The following PCDH15 variants were observed in gnomAD, a reference collection of about 807,000 sequenced individuals.
PCDH15 encodes the protein protocadherin related 15, also known as protocadherin-15.
Under a neutral mutation model 178.5 loss-of-function variants are expected in PCDH15, and 129 were observed. The ratio of observed to expected loss-of-function variants is 0.72; its 90% CI spans 0.63 to 0.84. The LOEUF (loss-of-function observed/expected upper bound fraction) is 0.84. PCDH15 is among the 40% of genes least tolerant of loss of function. The pLI, the probability that PCDH15 is intolerant of heterozygous loss-of-function variation, is 0.00. For missense variants in PCDH15, 2,230 were observed against 2,099.9 expected (o/e 1.06, Z -1.21); for synonymous variants, 800 against 732.0 (o/e 1.09, Z -1.50).
At chr10:54,529,637 T>C (rs567603445) in intron 2 of PCDH15, among the ~76,000 whole-genome samples, 30 of 152,198 alleles carry the variant, frequency 2.0e-4, no homozygotes, top group Admixed American at 1.6e-3. Context: ...TTTAGCAAAA[T>C]TTTGTTATCT....
intron 1 of PCDH15, among the ~76,000 whole-genome samples, chr10:55,314,248 T>C (rs2132292066): frequency 6.7e-6 from 1 of 149,910 alleles, no homozygotes; most frequent in East Asian, 1.9e-4. Context: ...GTGTTCGTCA[T>C]TACCCTGGGG....
chr10:54,298,164 G>A (rs11004207), intron 8 of PCDH15, among the ~76,000 whole-genome samples: 10 of 151,936 alleles, frequency 6.6e-5, no homozygotes, highest in African/African-American at 9.7e-5. Context: ...TGCCTTCCTC[G>A]AGCAGCTATG....
In PCDH15 at chr10:54,661,195, G is replaced by C. The variant is rs73253054; in HGVS notation, c.91+2977C>G. Among the ~76,000 whole-genome samples the C allele has an allele frequency of 5.3e-3, 801 of 152,106 alleles. 15 individuals carry two copies. Among genetic ancestry groups the C allele is most frequent in the African/African-American group, 0.019 (776 of 41,522 alleles). On this transcript the variant is annotated intron_variant, in intron 2 of 37. Coordinates refer to ENST00000644397, the MANE Select transcript of PCDH15 (RefSeq NM_001384140.1). ...TTTACCTGATAAACTACTTCAGTAAGATTTCAGGATACAAAATAAATGCTT... is the reference window on the plus strand; with the variant it reads ...TTTACCTGATAAACTACTTCAGTAACATTTCAGGATACAAAATAAATGCTT...
intron 2 of PCDH15, among the ~76,000 whole-genome samples, chr10:55,441,309 C>T (rs1458895943): frequency 6.6e-6 from 1 of 152,124 alleles, no homozygotes; most frequent in East Asian, 1.9e-4. Context: ...TGTCTTTGTT[C>T]TTTGGACATA....
chr10:54,145,157 CTT>C (rs1020687597), intron 14 of PCDH15, among the ~76,000 whole-genome samples: 3 of 151,934 alleles, frequency 2.0e-5, no homozygotes, highest in African/African-American at 4.8e-5. Flanking sequence ...GGAAAATAGA[CTT>C]AAGATACTTT....
At chr10:55,085,066 T>A (rs555837223) in intron 2 of PCDH15, among the ~76,000 whole-genome samples, 72 of 152,060 alleles carry the variant, frequency 4.7e-4, no homozygotes, top group African/African-American at 1.4e-3. Flanking sequence ...CCAGATATCC[T>A]ACTGCTAGGC....
At chr10:55,089,554 T>C (rs1303442241) in intron 2 of PCDH15, among the ~76,000 whole-genome samples, 1 of 152,102 alleles carries the variant, frequency 6.6e-6, no homozygotes, top group Non-Finnish European at 1.5e-5. Flanking sequence ...TTCCCCATGA[T>C]TGAGATTTTT....
intron 2 of PCDH15, among the ~76,000 whole-genome samples, chr10:55,594,128 G>A (rs1842897324): frequency 6.6e-6 from 1 of 151,854 alleles, no homozygotes; most frequent in South Asian, 2.1e-4. Flanking sequence ...CACAATATAA[G>A]TACAAATAAT....
chr10:54,739,673 G>A (rs562534334), intron 1 of PCDH15, among the ~76,000 whole-genome samples: 70 of 151,488 alleles, frequency 4.6e-4, no homozygotes, highest in Non-Finnish European at 8.0e-4. Context: ...GCATGATGCC[G>A]TCATAGAAAT....
chr10:54,502,484 A>G (rs2137473131), intron 3 of PCDH15, among the ~76,000 whole-genome samples: 1 of 152,170 alleles, frequency 6.6e-6, no homozygotes, highest in South Asian at 2.1e-4. Context: ...GAACTTACTT[A>G]CGCATCTTTT....
At chr10:53,928,926 T>C (rs969927001) in intron 25 of PCDH15, among the ~76,000 whole-genome samples, 4 of 152,088 alleles carry the variant, frequency 2.6e-5, no homozygotes, top group Non-Finnish European at 5.9e-5. Context: ...GAAAACTGTA[T>C]CTTCTCTCTT....
chr10:54,979,989 T>C (rs1488170191), intron 2 of PCDH15, among the ~76,000 whole-genome samples: 2 of 152,290 alleles, frequency 1.3e-5, no homozygotes, highest in East Asian at 1.9e-4. Context: ...CAATATTTTG[T>C]AGTATATTTA....
chr10:55,627,780 G>A (rs1837563247), intron 1 of PCDH15: 1 of 152,230 alleles, frequency 6.6e-6, no homozygotes, highest in Admixed American at 6.5e-5. Flanking sequence ...AAAAAAAAGG[G>A]TCAGAGACAC....
intron 3 of PCDH15, among the ~76,000 whole-genome samples, chr10:54,882,554 C>T (rs1202822684): frequency 6.6e-6 from 1 of 152,022 alleles, no homozygotes; most frequent in Non-Finnish European, 1.5e-5. Flanking sequence ...CACTAGACAT[C>T]CACATAAACA....
chr10:54,247,965 T>TATAA lies in PCDH15; in HGVS notation c.877-11035_877-11034insTTAT, dbSNP rs1219174871. On this transcript the variant is annotated intron_variant, in intron 8 of 37. Transcript: ENST00000644397. ...ATATATATATATATATATATACACA[T>TATAA]ACAGTAAATGACATTCTTAATATGT... is the stretch of plus-strand genomic sequence containing the variant. 2.5e-3 allele frequency among the ~76,000 whole-genome samples: 357 copies of TATAA among 140,790 alleles called. 1 individual carries two copies. Among genetic ancestry groups the TATAA allele is most frequent in the African/African-American group, 8.6e-3 (310 of 36,106 alleles). The allele number at this position is 140,790 out of a possible 152,430, so 92.4% of individuals were successfully genotyped here. A position where few individuals can be genotyped will look rare whatever the true frequency, so the allele number is the denominator to read the frequency against.
chr10:55,245,393 C>T lies in PCDH15; in HGVS notation c.-156+74206G>A, dbSNP rs1460479005. Among the ~76,000 whole-genome samples the T allele has an allele frequency of 2.0e-5, 3 of 152,034 alleles. No homozygotes were observed. In the East Asian group the frequency reaches 5.8e-4, roughly 29 times the overall value. ...AAAAACAGAAAACACCCCCCCAAAA[C>T]ATCTTATATTACTGTATTATTGTGT... is the stretch of plus-strand genomic sequence containing the variant. On this transcript the variant is annotated intron_variant, in intron 1 of 5. Coordinates refer to the PCDH15 transcript ENST00000458638.
chr10:54,254,700 C>T (rs1360035968), intron 8 of PCDH15, among the ~76,000 whole-genome samples: 6 of 152,102 alleles, frequency 3.9e-5, no homozygotes, highest in Non-Finnish European at 7.4e-5. Context: ...ATTATCATGA[C>T]CTAAATTTGT....
intron 1 of PCDH15, among the ~76,000 whole-genome samples, chr10:55,203,461 G>GA (rs943481967): frequency 2.6e-4 from 39 of 152,070 alleles, no homozygotes; most frequent in African/African-American, 9.2e-4. Flanking sequence ...AAATGAAACA[G>GA]AAAATACGAT....
At chr10:55,010,449 A>G (rs920044974) in intron 2 of PCDH15, among the ~76,000 whole-genome samples, 1 of 152,130 alleles carries the variant, frequency 6.6e-6, no homozygotes. Context: ...AATAAGTGCT[A>G]TAAAGATAAC....
Sources: gnomAD v4.1 joint callset for allele counts (sites outside exome capture counted in the v4.1 genomes callset) on GRCh38, gnomAD v4.1.1 for gene constraint, MANE v1.5 for transcripts, NCBI Gene and HGNC (gene_info 2026-07-23, HGNC 2026-07-21) for gene names.